Variants in SPIRE1 observed in about 807,000 individuals in gnomAD.
The protein encoded by SPIRE1 is spire type actin nucleation factor 1, also known as protein spire homolog 1.
In SPIRE1, 40 loss-of-function variants were observed where a neutral mutation model predicts 94.1. The observed-to-expected ratio is 0.43, with a 90% CI of 0.33 to 0.55. SPIRE1 has a LOEUF of 0.55. Ranked by LOEUF, SPIRE1 falls within the 20% of genes least tolerant of loss-of-function variation. SPIRE1 has a pLI of 0.06. For missense variants in SPIRE1, 838 were observed against 975.2 expected (o/e 0.86, Z 1.87); for synonymous variants, 376 against 371.7 (o/e 1.01, Z -0.13).
intron 12 of SPIRE1, among the ~76,000 whole-genome samples, chr18:12,461,844 G>A (rs928399854): frequency 6.6e-6 from 1 of 152,088 alleles, no homozygotes; most frequent in Admixed American, 6.5e-5. Context: ...AGTTGCCCAG[G>A]CTGGTCTCAA....
chr18:12,635,130 G>T (rs761672911), intron 1 of SPIRE1, 34 bp from the exon 2 acceptor site: 4 of 1,172,562 alleles, frequency 3.4e-6, no homozygotes, highest in East Asian at 2.6e-5. Flanking sequence ...ACTTTAAAAA[G>T]ATTTCAGCTT....
chr18:12,573,177 A>C (rs2036000684), intron 2 of SPIRE1, among the ~76,000 whole-genome samples: 1 of 152,254 alleles, frequency 6.6e-6, no homozygotes, highest in African/African-American at 2.4e-5. Context: ...ATAGGCAAAT[A>C]ATGTGAATGT....
At chr18:12,513,924 C>G (rs1005450692) in intron 4 of SPIRE1, among the ~76,000 whole-genome samples, 3 of 152,150 alleles carry the variant, frequency 2.0e-5, no homozygotes, top group Non-Finnish European at 4.4e-5. Context: ...CTCACTGCAG[C>G]CTCCACTTCC....
chr18:12,589,755 C>T (rs551580600), intron 2 of SPIRE1, among the ~76,000 whole-genome samples: 1 of 152,296 alleles, frequency 6.6e-6, no homozygotes, highest in African/African-American at 2.4e-5. Context: ...ATGACAGCCA[C>T]TGCCTCTAAT....
At chr18:12,615,106 C>T (rs2037248611) in intron 2 of SPIRE1, among the ~76,000 whole-genome samples, 1 of 151,304 alleles carries the variant, frequency 6.6e-6, no homozygotes, top group East Asian at 1.9e-4. Context: ...ATGCGGATCA[C>T]CTGAGGTCAG....
intron 6 of SPIRE1, among the ~76,000 whole-genome samples, chr18:12,504,363 C>T: frequency 8.3e-6 from 1 of 120,104 alleles, no homozygotes; most frequent in East Asian, 1.9e-4. Flanking sequence ...AAAAATTAGC[C>T]AGGCGTGGTG....
chr18:12,481,619 ATT>A (rs1196786677), intron 9 of SPIRE1, among the ~76,000 whole-genome samples: 1 of 152,132 alleles, frequency 6.6e-6, no homozygotes, highest in Admixed American at 6.5e-5. Context: ...TTTACATAAA[ATT>A]TTTAATTGAG....
At position 12,491,163 on chromosome 18, in the gene SPIRE1, C is replaced by T. The variant is rs572667489; in HGVS notation, c.1189+1909G>A. On this transcript the variant is annotated intron_variant, in intron 8 of 16. Transcript: ENST00000409402. ...ATATACAAAAACTATGAGACAGAAA[C>T]AAATGGAAGAATAATATTCATGAAT... Among the ~76,000 whole-genome samples, 142 of 150,356 alleles carry T rather than the reference C, an allele frequency of 9.4e-4. 2 individuals carry two copies. The highest frequency in any genetic ancestry group is 2.1e-3 in the South Asian group (10 of 4,802).
intron 2 of SPIRE1, among the ~76,000 whole-genome samples, chr18:12,554,076 G>A (rs1419977857): frequency 6.6e-6 from 1 of 152,096 alleles, no homozygotes; most frequent in Non-Finnish European, 1.5e-5. Context: ...CAAGGTGGGT[G>A]GATCACGAGG....
intron 2 of SPIRE1, among the ~76,000 whole-genome samples, chr18:12,628,439 T>C (rs1235585022): frequency 3.9e-5 from 6 of 152,182 alleles, no homozygotes; most frequent in African/African-American, 1.4e-4. Flanking sequence ...CCATGCTGTT[T>C]TGGTTACTGT....
intron 10 of SPIRE1, among the ~76,000 whole-genome samples, chr18:12,467,885 G>C (rs1297874676): frequency 1.3e-5 from 2 of 152,124 alleles, no homozygotes; most frequent in Non-Finnish European, 2.9e-5. Context: ...GGAGGTGGAG[G>C]TTGCGGTGAG....
At chr18:12,506,846 T>G (rs1264776394) in intron 5 of SPIRE1, among the ~76,000 whole-genome samples, 1 of 152,182 alleles carries the variant, frequency 6.6e-6, no homozygotes, top group Non-Finnish European at 1.5e-5. Context: ...CTGAGGCACA[T>G]GGGTTTAAAC....
upstream of SPIRE1, among the ~76,000 whole-genome samples, chr18:12,660,432 G>A (rs547988622): frequency 2.6e-5 from 4 of 151,040 alleles, no homozygotes; most frequent in South Asian, 8.4e-4. Context: ...GATGATTCTC[G>A]TGCCTCGGCC....
intron 2 of SPIRE1, 100 bp downstream of exon 2, chr18:12,634,962 A>T: frequency 1.6e-6 from 1 of 622,346 alleles, no homozygotes. Context: ...AAATCTTATC[A>T]GAAGACCAAG....
At chr18:12,571,958 C>A (rs2035969494) in intron 2 of SPIRE1, among the ~76,000 whole-genome samples, 1 of 152,182 alleles carries the variant, frequency 6.6e-6, no homozygotes, top group Non-Finnish European at 1.5e-5. Flanking sequence ...TAACAGGGAA[C>A]TACAACCTAG....
chr18:12,463,076 T>A (rs576395374), intron 12 of SPIRE1, among the ~76,000 whole-genome samples: 6 of 152,224 alleles, frequency 3.9e-5, no homozygotes, highest in Admixed American at 1.3e-4. Flanking sequence ...TATTATTATT[T>A]TTTTTTGCAG....
intron 2 of SPIRE1, among the ~76,000 whole-genome samples, chr18:12,563,178 C>T (rs1029783356): frequency 2.6e-5 from 4 of 151,032 alleles, no homozygotes; most frequent in African/African-American, 9.8e-5. Flanking sequence ...CCCCCAACCC[C>T]GATTATGAAT....
At chr18:12,644,198 C>CAAA (rs58693692) in intron 1 of SPIRE1, among the ~76,000 whole-genome samples, 14,226 of 88,268 alleles carry the variant, frequency 0.16, 1,545 homozygotes, top group Non-Finnish European at 0.22. Flanking sequence ...AACTCCATCT[C>CAAA]AAAAAAAAAA....
At chr18:12,507,726 T>A (rs1035071680) in intron 5 of SPIRE1, among the ~76,000 whole-genome samples, 1 of 151,828 alleles carries the variant, frequency 6.6e-6, no homozygotes, top group Non-Finnish European at 1.5e-5. Context: ...CATAAAATAA[T>A]ACAAAATCTA....
Sources: gnomAD v4.1 joint callset for allele counts (sites outside exome capture counted in the v4.1 genomes callset) on GRCh38, gnomAD v4.1.1 for gene constraint, MANE v1.5 for transcripts, NCBI Gene and HGNC (gene_info 2026-07-23, HGNC 2026-07-21) for gene names.